VAC14: variants seen among roughly 807,000 people sequenced by gnomAD.
VAC14 encodes the protein VAC14 component of PIKFYVE complex, also known as protein VAC14 homolog.
In VAC14, 47 loss-of-function variants were observed where a neutral mutation model predicts 85.3. That is an observed-to-expected ratio of 0.55 (90% CI 0.44 to 0.70). VAC14 has a LOEUF of 0.70. Among genes scored for constraint, VAC14 ranks in the 30% least tolerant of loss-of-function variants. VAC14 has a pLI of 0.00. For synonymous variants in VAC14, 447 were observed against 430.5 expected (o/e 1.04, Z -0.47); for missense variants, 861 against 1,004.3 (o/e 0.86, Z 1.93).
intron 12 of VAC14, among the ~76,000 whole-genome samples, chr16:70,745,482 A>AGTGTGTGTGT (rs145054065): frequency 0.014 from 2,075 of 143,844 alleles, 22 homozygotes; most frequent in Non-Finnish European, 0.019. Flanking sequence ...GAGGGGCTTC[A>AGTGTGTGTGT]GTGTGTGTGT....
chr16:70,708,220 C>T (rs1222685875), intron 14 of VAC14, among the ~76,000 whole-genome samples: 2 of 152,242 alleles, frequency 1.3e-5, no homozygotes, highest in East Asian at 1.9e-4. Flanking sequence ...TGCTAGTTCC[C>T]ACCAATTTCC....
chr16:70,785,632 G>A, intron 3 of VAC14, 70 bp downstream of exon 3: 2 of 1,476,516 alleles, frequency 1.4e-6, no homozygotes, highest in Non-Finnish European at 1.8e-6. Context: ...AGGGGTCCAA[G>A]GTTCCAGAAG....
chr16:70,721,985 C>G (rs970577240), intron 14 of VAC14, among the ~76,000 whole-genome samples: 8 of 152,206 alleles, frequency 5.3e-5, no homozygotes, highest in Non-Finnish European at 1.2e-4. Context: ...CTTTGGATGG[C>G]TATGCAGTAC....
At chr16:70,695,465 C>A (rs1008042734) in intron 17 of VAC14, 79 bp downstream of exon 17, 17 of 1,471,798 alleles carry the variant, frequency 1.2e-5, no homozygotes, top group African/African-American at 5.5e-5. Flanking sequence ...AAGAGACCAA[C>A]TGGAGCTTGA....
intron 1 of VAC14, among the ~76,000 whole-genome samples, chr16:70,794,585 G>A (rs907754287): frequency 2.6e-5 from 4 of 152,208 alleles, no homozygotes; most frequent in African/African-American, 7.2e-5. Context: ...CAAAGCTCCC[G>A]ACGATTTGCT....
intron 10 of VAC14, among the ~76,000 whole-genome samples, chr16:70,764,483 A>G (rs1479873214): frequency 6.6e-6 from 1 of 152,158 alleles, no homozygotes; most frequent in African/African-American, 2.4e-5. Flanking sequence ...GGCGGTAAAC[A>G]CTGGCCCCGT....
intron 12 of VAC14, among the ~76,000 whole-genome samples, chr16:70,761,982 C>T (rs1368671458): frequency 6.6e-6 from 1 of 152,182 alleles, no homozygotes; most frequent in Non-Finnish European, 1.5e-5. Flanking sequence ...AGTGTCTTGC[C>T]TTTGGGCAGC....
chr16:70,792,695 ACAT>A (rs752128155), intron 1 of VAC14, among the ~76,000 whole-genome samples: 50 of 152,174 alleles, frequency 3.3e-4, no homozygotes, highest in Non-Finnish European at 1.5e-4. Flanking sequence ...ACTGCAAGAC[ACAT>A]CTGGACTTTC....
chr16:70,776,133 T>A (rs2033503936), intron 9 of VAC14, among the ~76,000 whole-genome samples: 1 of 152,020 alleles, frequency 6.6e-6, no homozygotes, highest in African/African-American at 2.4e-5. Flanking sequence ...AGAAATGGGG[T>A]CTCATTCTCT....
chr16:70,766,383 G>A (rs984834817), intron 10 of VAC14: 14 of 425,372 alleles, frequency 3.3e-5, no homozygotes, highest in African/African-American at 1.4e-4. Flanking sequence ...AGCATATCAC[G>A]GAGCTGGTAT....
chr16:70,717,266 G>A (rs915599279), intron 14 of VAC14, among the ~76,000 whole-genome samples: 1 of 152,226 alleles, frequency 6.6e-6, no homozygotes, highest in Non-Finnish European at 1.5e-5. Context: ...GAGAGGGCCG[G>A]AGCGAGCCAC....
At chr16:70,784,369 T>A in intron 4 of VAC14, 149 bp from the exon 5 acceptor site, 1 of 642,428 alleles carries the variant, frequency 1.6e-6, no homozygotes, top group Non-Finnish European at 2.7e-6. Context: ...GTCTCTGGAG[T>A]ATTCATCCTG....
chr16:70,784,459 C>G (rs1227289268), intron 4 of VAC14, among the ~76,000 whole-genome samples: 1 of 152,120 alleles, frequency 6.6e-6, no homozygotes, highest in African/African-American at 2.4e-5. Context: ...TGGCAAGACC[C>G]TACTCTCTGT....
intron 12 of VAC14, among the ~76,000 whole-genome samples, chr16:70,753,244 A>G (rs2031545316): frequency 6.6e-6 from 1 of 152,188 alleles, no homozygotes; most frequent in South Asian, 2.1e-4. Context: ...AGAGCAAGCC[A>G]GTGTGAAAAT....
Position 70,790,247 on chromosome 16 carries a change from C to T in VAC14, c.105-3882G>A, listed in dbSNP as rs149715287. Among the ~76,000 whole-genome samples, 85 of 152,144 alleles carry T rather than the reference C, an allele frequency of 5.6e-4. 1 individual carries two copies. Among genetic ancestry groups the T allele is most frequent in the African/African-American group, 1.8e-3 (74 of 41,490 alleles). ...GCTCTATAAGGGTCAGCATTGTAGA[C>T]GGGTTTTGAAGGATGAGTAGGTGTT... On this transcript the variant is annotated intron_variant, in intron 1 of 18. Coordinates refer to ENST00000261776, the MANE Select transcript of VAC14 (RefSeq NM_018052.5).
At chr16:70,799,804 C>A (rs1426747674) in intron 1 of VAC14, among the ~76,000 whole-genome samples, 3 of 152,192 alleles carry the variant, frequency 2.0e-5, no homozygotes, top group Non-Finnish European at 4.4e-5. Context: ...GAGCATTCTG[C>A]AATGATGGAA....
At chr16:70,753,979 G>A (rs2031619479) in intron 12 of VAC14, among the ~76,000 whole-genome samples, 1 of 152,146 alleles carries the variant, frequency 6.6e-6, no homozygotes, top group South Asian at 2.1e-4. Context: ...TTTCCACCAT[G>A]CTTCTCAGCC....
chr16:70,773,756 AATT>A (rs35548063), intron 9 of VAC14, among the ~76,000 whole-genome samples: 12,147 of 151,854 alleles, frequency 0.08, 511 homozygotes, highest in Middle Eastern at 0.14. Context: ...CCCATAGTTC[AATT>A]ATTATTATTA....
At chr16:70,698,307 A>G (rs1053894979) in intron 15 of VAC14, among the ~76,000 whole-genome samples, 4 of 152,194 alleles carry the variant, frequency 2.6e-5, no homozygotes, top group African/African-American at 9.6e-5. Flanking sequence ...GCCCACGGCC[A>G]GCAGAGCCTC....
Sources: allele counts gnomAD v4.1 joint callset (sites outside exome capture counted in the v4.1 genomes callset), GRCh38; gene constraint gnomAD v4.1.1; transcripts MANE v1.5; gene names NCBI Gene and HGNC (gene_info 2026-07-23, HGNC 2026-07-21).